Variants in ABCD3 observed in about 807,000 individuals in gnomAD.
The protein encoded by ABCD3 is ATP binding cassette subfamily D member 3, also known as ATP-binding cassette sub-family D member 3.
Under a neutral mutation model 105.5 loss-of-function variants are expected in ABCD3, and 41 were observed. The observed-to-expected ratio is 0.39, with a 90% CI of 0.30 to 0.50. ABCD3 has a LOEUF of 0.50. Ranked by LOEUF, ABCD3 falls within the 20% of genes least tolerant of loss-of-function variation. ABCD3 has a pLI of 0.84. For missense variants in ABCD3, 622 were observed against 806.3 expected (o/e 0.77, Z 2.77); for synonymous variants, 258 against 269.0 (o/e 0.96, Z 0.40).
At chr1:94,402,836 G>A in the ABCD3 span, among the ~76,000 whole-genome samples, 2 of 151,606 alleles carry the variant, frequency 1.3e-5, no homozygotes, top group South Asian at 4.2e-4. Context: ...AAGTTTTAGG[G>A]TACATGTGCA....
In ABCD3 at chr1:94,475,752, T is replaced by C; in HGVS notation, c.627+15T>C. The C allele has an allele frequency of 6.3e-7, 1 of 1,585,918 alleles. No homozygotes were observed. Among genetic ancestry groups the C allele is most frequent in the South Asian group, 1.1e-5 (1 of 89,678 alleles). On this transcript the variant is annotated intron_variant, in intron 7 of 22. Transcript: ENST00000370214. ...ATCTTAGTAAGGTAAGTTTCTCTCC[T>C]TTTTAAAAGATTATTTGTTTAATTT...
At chr1:94,393,956 A>G in the ABCD3 span, among the ~76,000 whole-genome samples, 1 of 152,190 alleles carries the variant, frequency 6.6e-6, no homozygotes, top group African/African-American at 2.4e-5. Context: ...CTTGTGTCTC[A>G]CTTGCTTACA....
At chr1:94,510,044 T>A (rs1650583213) in intron 21 of ABCD3, among the ~76,000 whole-genome samples, 1 of 152,146 alleles carries the variant, frequency 6.6e-6, no homozygotes, top group Admixed American at 6.5e-5. Context: ...TTTGAATGTG[T>A]TTTCTCTTGC....
chr1:94,386,023 G>GTTTCTTTCTTTCCTTCTTTC, the ABCD3 span, among the ~76,000 whole-genome samples: 1 of 151,406 alleles, frequency 6.6e-6, no homozygotes, highest in African/African-American at 2.4e-5. Context: ...TTTAGAATCT[G>GTTTCTTTCTTTCCTTCTTTC]TTTCTTTCTT....
chr1:94,413,115 C>T, the ABCD3 span, among the ~76,000 whole-genome samples: 1 of 151,822 alleles, frequency 6.6e-6, no homozygotes, highest in Non-Finnish European at 1.5e-5. Flanking sequence ...GATTTTAATA[C>T]CTAGAAAGGT....
chr1:94,418,597 G>A lies in ABCD3; in HGVS notation c.110+9G>A, dbSNP rs761482216. On this transcript the variant is annotated intron_variant, in intron 1 of 22. Transcript: ENST00000370214. ...GCCCTCGGCCTGCACGGGTAAGAAG[G>A]CCCGTAGCCGTGCAGCTTTCCCGGG... 2.8e-5 allele frequency: 45 copies of A among 1,587,078 alleles called. No homozygotes were observed. Among genetic ancestry groups the A allele is most frequent in the Admixed American group, 8.6e-5 (5 of 58,374 alleles).
rs1650856119 is a variant in ABCD3 at position 94,515,019 on chromosome 1, T to C, written c.1846-127T>C. On this transcript the variant is annotated intron_variant, in intron 21 of 22. Coordinates refer to ENST00000370214, the MANE Select transcript of ABCD3 (RefSeq NM_002858.4). ...ACATTTTGCATCCAGTTGTAAATTT[T>C]TTCTCATTGACATTGCTTTTTAACT... 8 of 733,546 alleles carry C rather than the reference T, an allele frequency of 1.1e-5. No individual in the cohort carries two copies. In the South Asian group the frequency reaches 1.3e-4, roughly 12 times the overall value. The allele number at this position is 733,546 out of a possible 1,614,324, so 45.4% of individuals were successfully genotyped here. A position where few individuals can be genotyped will look rare whatever the true frequency, so the allele number is the denominator to read the frequency against.
the ABCD3 span, among the ~76,000 whole-genome samples, chr1:94,408,577 G>A: frequency 6.6e-6 from 1 of 152,032 alleles, no homozygotes; most frequent in Non-Finnish European, 1.5e-5. Context: ...CTGGGTGACA[G>A]AGCAAGACTC....
chr1:94,488,062 T>C (rs1030613616), intron 13 of ABCD3, 79 bp downstream of exon 13: 4 of 1,197,830 alleles, frequency 3.3e-6, no homozygotes, highest in South Asian at 1.3e-5. Context: ...TCAGTTGAGA[T>C]TAAGATAAGG....
chr1:94,420,602 A>G (rs1031818545), intron 1 of ABCD3, among the ~76,000 whole-genome samples: 1 of 152,220 alleles, frequency 6.6e-6, no homozygotes, highest in Non-Finnish European at 1.5e-5. Context: ...GATTCTGAGC[A>G]GATAATCATG....
rs1452235479 is a variant in ABCD3, at chr1:94,464,683, C to T, written c.148-92C>T. On this transcript the variant is annotated intron_variant, in intron 2 of 22. Transcript: ENST00000370214. The stretch of plus-strand genomic sequence containing the variant: ...GTAAATTCAGTTTTTATCTTGATAG[C>T]TGTTTATGTTGACTTAGATGAAACA... 4 of 1,063,074 alleles carry T rather than the reference C, an allele frequency of 3.8e-6. No individual in the cohort carries two copies. The African/African-American group carries it at 4.7e-5, about 12-fold the overall frequency. The allele number at this position is 1,063,074 out of a possible 1,614,324, so 65.9% of individuals were successfully genotyped here. A position where few individuals can be genotyped will look rare whatever the true frequency, so the allele number is the denominator to read the frequency against.
intron 10 of ABCD3, 49 bp downstream of exon 10, chr1:94,483,288 T>C (rs765471064): frequency 1.7e-5 from 24 of 1,433,922 alleles, no homozygotes; most frequent in Non-Finnish European, 2.2e-5. Context: ...GGGTTTTTTT[T>C]GTTTGTTTGT....
chr1:94,493,417 G>A (rs1247970096), intron 16 of ABCD3, among the ~76,000 whole-genome samples: 1 of 151,912 alleles, frequency 6.6e-6, no homozygotes, highest in Non-Finnish European at 1.5e-5. Flanking sequence ...CAGTTAGAAT[G>A]GCAATCATTA....
intron 10 of ABCD3, 91 bp from the exon 11 acceptor site, chr1:94,487,451 T>C: frequency 8.8e-7 from 1 of 1,133,328 alleles, no homozygotes; most frequent in Non-Finnish European, 1.3e-6. Context: ...ATTTGTTGAA[T>C]AAATGAACTA....
At chr1:94,434,339 T>C (rs1659811931) in intron 1 of ABCD3, among the ~76,000 whole-genome samples, 1 of 152,218 alleles carries the variant, frequency 6.6e-6, no homozygotes, top group Non-Finnish European at 1.5e-5. Context: ...GGCTGTTTTA[T>C]AGTTAACTTT....
At chr1:94,453,500 A>G (rs1330975428) in intron 1 of ABCD3, among the ~76,000 whole-genome samples, 2 of 151,542 alleles carry the variant, frequency 1.3e-5, no homozygotes, top group Non-Finnish European at 2.9e-5. Flanking sequence ...TTGTATTTTT[A>G]GTAGAGATGG....
intron 21 of ABCD3, among the ~76,000 whole-genome samples, chr1:94,510,431 AGGTGT>A (rs1318791213): frequency 1.3e-5 from 2 of 152,152 alleles, no homozygotes; most frequent in African/African-American, 4.8e-5. Flanking sequence ...ATTTTGGAAT[AGGTGT>A]GGTGTGGTGC....
intron 13 of ABCD3, among the ~76,000 whole-genome samples, chr1:94,488,599 A>G (rs1176359228): frequency 6.6e-6 from 1 of 152,058 alleles, no homozygotes; most frequent in Non-Finnish European, 1.5e-5. Flanking sequence ...ATGACTGAAT[A>G]TCTTTCCTAG....
rs115987732 is a variant in ABCD3, at chr1:94,426,016, C to T, written c.110+7428C>T. Among the ~76,000 whole-genome samples the T allele has an allele frequency of 4.9e-3, 742 of 152,238 alleles. 9 individuals are homozygous for T. Among genetic ancestry groups the T allele is most frequent in the African/African-American group, 0.017 (716 of 41,540 alleles). ...GTTAAGTGAGGATTAATGGAGAAAACGTTTTAACCCAGTGCTCAGTAAATA... is the reference window on the plus strand; with the variant it reads ...GTTAAGTGAGGATTAATGGAGAAAATGTTTTAACCCAGTGCTCAGTAAATA... On this transcript the variant is annotated intron_variant, in intron 1 of 22. Coordinates refer to ENST00000370214, the MANE Select transcript of ABCD3 (RefSeq NM_002858.4).
Sources: gnomAD v4.1 joint callset for allele counts (sites outside exome capture counted in the v4.1 genomes callset) on GRCh38, gnomAD v4.1.1 for gene constraint, MANE v1.5 for transcripts, NCBI Gene and HGNC (gene_info 2026-07-23, HGNC 2026-07-21) for gene names.